The following GAB1 variants were observed in gnomAD, a reference collection of about 807,000 sequenced individuals.
The protein encoded by GAB1 is GRB2 associated binding protein 1.
A neutral mutation model predicts 66.5 loss-of-function variants in GAB1; 19 were observed. The observed-to-expected ratio is 0.29, with a 90% CI of 0.20 to 0.42. The LOEUF (loss-of-function observed/expected upper bound fraction) is 0.42. GAB1 is among the 10% of genes least tolerant of loss of function. The probability of loss-of-function intolerance (pLI) is 1.00; values close to 1 mark genes in which losing one functional copy is unlikely to be tolerated. For missense variants in GAB1, 732 were observed against 858.5 expected, an observed-to-expected ratio of 0.85 and a Z score of 1.84; for synonymous variants, 294 against 301.4, an observed-to-expected ratio of 0.98 and a Z score of 0.25.
At chr4:143,408,734 C>T (rs1009653517) in intron 1 of GAB1, among the ~76,000 whole-genome samples, 4 of 152,116 alleles carry the variant, frequency 2.6e-5, no homozygotes, top group South Asian at 2.1e-4. Flanking sequence ...TCTTCAACCC[C>T]GACATTTTAC....
intron 2 of GAB1, among the ~76,000 whole-genome samples, chr4:143,431,534 G>A (rs778760547): frequency 5.9e-5 from 9 of 152,172 alleles, no homozygotes; most frequent in Non-Finnish European, 1.0e-4. Flanking sequence ...TTAGCTGCGC[G>A]AAGTGGTCAG....
intron 1 of GAB1, among the ~76,000 whole-genome samples, chr4:143,361,924 T>TC (rs374383053): frequency 9.3e-5 from 14 of 151,238 alleles, no homozygotes; most frequent in African/African-American, 3.4e-4. Context: ...GGTTTTTTTT[T>TC]GTTTTTTGTT....
chr4:143,369,570 G>T (rs183856494), intron 1 of GAB1, among the ~76,000 whole-genome samples: 1 of 152,152 alleles, frequency 6.6e-6, no homozygotes, highest in Admixed American at 6.5e-5. Flanking sequence ...AAGTTTTGTG[G>T]TGTTTGCTGT....
chr4:143,399,814 T>C (rs1731665133), intron 1 of GAB1, among the ~76,000 whole-genome samples: 1 of 152,216 alleles, frequency 6.6e-6, no homozygotes, highest in Admixed American at 6.5e-5. Context: ...TTTTCTGGTA[T>C]GTCTACCAGT....
At chr4:143,416,295 C>T (rs1732682871) in intron 2 of GAB1, among the ~76,000 whole-genome samples, 1 of 152,126 alleles carries the variant, frequency 6.6e-6, no homozygotes, top group African/African-American at 2.4e-5. Context: ...GTGGTCCCAG[C>T]TACTCCAGAG....
chr4:143,372,227 A>G (rs1363000762), intron 1 of GAB1, among the ~76,000 whole-genome samples: 5 of 152,040 alleles, frequency 3.3e-5, no homozygotes, highest in African/African-American at 1.2e-4. Flanking sequence ...TTGCATTGAA[A>G]TGTTCCTTCC....
intron 2 of GAB1, among the ~76,000 whole-genome samples, chr4:143,418,899 C>T (rs1289080459): frequency 6.6e-6 from 1 of 152,090 alleles, no homozygotes. Context: ...TATTTGGCCA[C>T]CTTAGGATGA....
intron 1 of GAB1, among the ~76,000 whole-genome samples, chr4:143,396,432 A>T (rs1326599254): frequency 6.6e-6 from 1 of 152,166 alleles, no homozygotes; most frequent in Non-Finnish European, 1.5e-5. Flanking sequence ...ATGGGGGGAA[A>T]GGATGAAAAC....
At chr4:143,419,259 G>A (rs1472317272) in intron 2 of GAB1, among the ~76,000 whole-genome samples, 1 of 151,940 alleles carries the variant, frequency 6.6e-6, no homozygotes, top group Non-Finnish European at 1.5e-5. Context: ...ATAATTCTAT[G>A]GAAGTTTATG....
At chr4:143,379,752 A>G (rs1038649120) in intron 1 of GAB1, among the ~76,000 whole-genome samples, 1 of 151,830 alleles carries the variant, frequency 6.6e-6, no homozygotes, top group South Asian at 2.1e-4. Context: ...GTGCCCGGCT[A>G]ATTTTTTGTA....
chr4:143,454,697 C>G (rs916056368), intron 6 of GAB1, among the ~76,000 whole-genome samples: 2 of 152,126 alleles, frequency 1.3e-5, no homozygotes, highest in Admixed American at 1.3e-4. Flanking sequence ...TTGCTCTGTG[C>G]GGTGAGTGCT....
chr4:143,373,044 AACACACAC>A (rs36205621), intron 1 of GAB1, among the ~76,000 whole-genome samples: 142 of 148,090 alleles, frequency 9.6e-4, no homozygotes, highest in Middle Eastern at 7.0e-3. Context: ...TTCCTTTAAA[AACACACAC>A]ACACACACAC....
chr4:143,403,964 GGAAATTT>G (rs1433285365), intron 1 of GAB1, among the ~76,000 whole-genome samples: 1 of 152,032 alleles, frequency 6.6e-6, no homozygotes, highest in African/African-American at 2.4e-5. Context: ...ATCTAATTAT[GGAAATTT>G]GAAATTTGAT....
chr4:143,395,117 C>G (rs139961073), intron 1 of GAB1: 1 of 152,124 alleles, frequency 6.6e-6, no homozygotes, highest in African/African-American at 2.4e-5. Context: ...TATAACAGTT[C>G]CCTATGTCTT....
At chr4:143,401,635 A>T (rs1731778618) in intron 1 of GAB1, among the ~76,000 whole-genome samples, 1 of 152,214 alleles carries the variant, frequency 6.6e-6, no homozygotes, top group South Asian at 2.1e-4. Flanking sequence ...ATGGTAAGCA[A>T]GACTTGGAAA....
chr4:143,387,523 C>G (rs1197588455), intron 1 of GAB1, among the ~76,000 whole-genome samples: 1 of 152,220 alleles, frequency 6.6e-6, no homozygotes, highest in Non-Finnish European at 1.5e-5. Context: ...GCACAGAAGG[C>G]TGCTTACTGA....
At position 143,346,165 on chromosome 4, in the gene GAB1, G is replaced by T. The variant is rs1398284513; in HGVS notation, c.72+8905G>T. Among the ~76,000 whole-genome samples, 3 of 152,154 alleles carry T rather than the reference G, an allele frequency of 2.0e-5. No homozygotes were observed. In the South Asian group the frequency reaches 6.2e-4, roughly 32 times the overall value. On this transcript the variant is annotated intron_variant, in intron 1 of 9. Coordinates refer to ENST00000262994, the MANE Select transcript of GAB1 (RefSeq NM_002039.4). ...ACATCAAAAATCACAAAATATTTGTGTCCCAATCTTTACACACACATTCTT... is the reference window on the plus strand; with the variant it reads ...ACATCAAAAATCACAAAATATTTGTTTCCCAATCTTTACACACACATTCTT...
chr4:143,367,447 G>A (rs1332858878), intron 1 of GAB1, among the ~76,000 whole-genome samples: 4 of 151,996 alleles, frequency 2.6e-5, no homozygotes, highest in Admixed American at 6.6e-5. Context: ...TTGGTGAAAC[G>A]AAGAAAATGT....
chr4:143,364,909 ACT>A lies in GAB1; in HGVS notation c.72+27652_72+27653del, dbSNP rs1229376077. Among the ~76,000 whole-genome samples the A allele has an allele frequency of 1.8e-4, 20 of 112,376 alleles. No homozygotes were observed. In the Admixed American group the frequency reaches 2.6e-3, roughly 14 times the overall value. The allele number at this position is 112,376 out of a possible 152,430, so 73.7% of individuals were successfully genotyped here. ...TTTTTTTTTTTGGAGACGGAGTCTC[ACT>A]CTGTCACCCAGGCTGGAGTGCAGTG... is the stretch of plus-strand genomic sequence containing the variant. On this transcript the variant is annotated intron_variant, in intron 1 of 9. Transcript: ENST00000262994.
Sources: allele counts gnomAD v4.1 joint callset (sites outside exome capture counted in the v4.1 genomes callset), GRCh38; gene constraint gnomAD v4.1.1; transcripts MANE v1.5; gene names NCBI Gene and HGNC (gene_info 2026-07-23, HGNC 2026-07-21).